Variants in RBPJ observed in about 807,000 individuals in gnomAD.
RBPJ encodes the protein recombination signal binding protein for immunoglobulin kappa J region.
Under a neutral mutation model 67.8 loss-of-function variants are expected in RBPJ, and 9 were observed. The ratio of observed to expected loss-of-function variants is 0.13; its 90% CI spans 0.08 to 0.23. The LOEUF (loss-of-function observed/expected upper bound fraction) is 0.23, where lower values mean the gene tolerates loss of function less well. Ranked by LOEUF, RBPJ falls within the 10% of genes least tolerant of loss-of-function variation. The pLI is 1.00. For synonymous variants in RBPJ, 198 were observed against 203.3 expected (o/e 0.97, Z 0.22); for missense variants, 305 against 595.6 (o/e 0.51, Z 5.08).
intron 1 of RBPJ, among the ~76,000 whole-genome samples, chr4:26,343,576 C>T (rs1234172727): frequency 3.3e-5 from 5 of 150,980 alleles, no homozygotes; most frequent in Admixed American, 2.0e-4. Context: ...GAGATAGAAT[C>T]TCGCGCTGTT....
the RBPJ span, among the ~76,000 whole-genome samples, chr4:26,122,613 T>C: frequency 6.6e-6 from 1 of 152,212 alleles, no homozygotes; most frequent in African/African-American, 2.4e-5. Context: ...ATGATTAATG[T>C]AAAACACATT....
the RBPJ span, among the ~76,000 whole-genome samples, chr4:26,123,818 C>T: frequency 2.2e-4 from 34 of 152,180 alleles, no homozygotes; most frequent in African/African-American, 8.0e-4. Flanking sequence ...TCACCCTCCA[C>T]ATCTTGTTCC....
chr4:26,209,631 CT>C (rs1239984732), intron 1 of RBPJ, among the ~76,000 whole-genome samples: 3 of 134,540 alleles, frequency 2.2e-5, no homozygotes, highest in East Asian at 2.3e-4. Flanking sequence ...CCTTCCCTCT[CT>C]CCCTCCCTTC....
intron 1 of RBPJ, among the ~76,000 whole-genome samples, chr4:26,183,702 G>C (rs997824399): frequency 1.3e-5 from 2 of 152,092 alleles, no homozygotes; most frequent in Admixed American, 6.5e-5. Context: ...TAGCCCAGAT[G>C]GTCTGTCCTG....
At chr4:26,176,863 G>A (rs1716811451) in intron 1 of RBPJ, among the ~76,000 whole-genome samples, 1 of 152,234 alleles carries the variant, frequency 6.6e-6, no homozygotes, top group Non-Finnish European at 1.5e-5. Flanking sequence ...CTTGAACCAG[G>A]CTGCCTTGCC....
intron 1 of RBPJ, 83 bp from the exon 2 acceptor site, chr4:26,386,270 G>A (rs1730902152): frequency 9.9e-6 from 9 of 911,562 alleles, no homozygotes; most frequent in Non-Finnish European, 1.5e-5. Context: ...TCATAAAAGA[G>A]ATTTTATGAT....
chr4:26,193,991 C>G (rs975698433), intron 1 of RBPJ, among the ~76,000 whole-genome samples: 8 of 152,312 alleles, frequency 5.3e-5, no homozygotes, highest in Admixed American at 2.6e-4. Flanking sequence ...TTACGTAGGG[C>G]AACATTCCCT....
At chr4:26,146,635 A>G in the RBPJ span, among the ~76,000 whole-genome samples, 6 of 151,974 alleles carry the variant, frequency 3.9e-5, no homozygotes, top group Admixed American at 2.0e-4. Context: ...TGTAAACACA[A>G]CTCCTGCTCT....
In RBPJ at chr4:26,238,921, A is replaced by G. The variant is rs368602909; in HGVS notation, c.-167+75307A>G. Among the ~76,000 whole-genome samples, 46 of 152,236 alleles carry G rather than the reference A, an allele frequency of 3.0e-4. No individual in the cohort carries two copies. In the East Asian group the frequency reaches 6.8e-3, roughly 22 times the overall value. On this transcript the variant is annotated intron_variant, in intron 1 of 4. Coordinates refer to the RBPJ transcript ENST00000512351. ...ACAAAGCAGCAGGTGAGAGAGCCAC[A>G]GAGATCAACGCTCCAGGCACCCAGG...
intron 2 of RBPJ, among the ~76,000 whole-genome samples, chr4:26,404,033 C>T (rs1733122874): frequency 6.6e-6 from 1 of 152,112 alleles, no homozygotes; most frequent in African/African-American, 2.4e-5. Context: ...TTCTCCACAA[C>T]CTCTCCAGCA....
intron 1 of RBPJ, among the ~76,000 whole-genome samples, chr4:26,341,342 C>T (rs1234114329): frequency 2.6e-5 from 4 of 151,984 alleles, no homozygotes; most frequent in African/African-American, 7.3e-5. Context: ...TGGCTGGCTG[C>T]GGTGGCTCAT....
chr4:26,403,263 C>G (rs1218072118), intron 2 of RBPJ, among the ~76,000 whole-genome samples: 1 of 148,844 alleles, frequency 6.7e-6, no homozygotes, highest in Non-Finnish European at 1.5e-5. Flanking sequence ...GAGTTTTTCT[C>G]TGGATCTTTA....
At chr4:26,354,975 G>T (rs1560288829) in intron 1 of RBPJ, among the ~76,000 whole-genome samples, 1 of 152,064 alleles carries the variant, frequency 6.6e-6, no homozygotes, top group African/African-American at 2.4e-5. Flanking sequence ...CCAGCTCAAA[G>T]CTCTCATTTA....
chr4:26,207,589 C>T (rs781208397), intron 1 of RBPJ, among the ~76,000 whole-genome samples: 4 of 152,136 alleles, frequency 2.6e-5, no homozygotes, highest in South Asian at 2.1e-4. Flanking sequence ...TGGACACAGA[C>T]GTGTGTTGAG....
At position 26,384,666 on chromosome 4, in the gene RBPJ, C is replaced by T. The variant is rs908328784; in HGVS notation, c.21-1687C>T. 5.3e-5 allele frequency: 8 copies of T among 152,226 alleles called. 1 individual carries two copies. The highest frequency in any genetic ancestry group is 1.9e-4 in the African/African-American group (8 of 41,542). The allele number at this position is 152,226 out of a possible 1,614,324, so 9.4% of individuals were successfully genotyped here. A position where few individuals can be genotyped will look rare whatever the true frequency, so the allele number is the denominator to read the frequency against. On this transcript the variant is annotated intron_variant, in intron 1 of 10. Transcript: ENST00000355476. ...TATACTTATTTATCTCTATTAAAAT[C>T]GTATTTAGTTCCTTTAGTTATTTTG... is the stretch of plus-strand genomic sequence containing the variant.
intron 1 of RBPJ, among the ~76,000 whole-genome samples, chr4:26,205,253 T>C (rs1340069198): frequency 6.6e-6 from 1 of 152,202 alleles, no homozygotes; most frequent in African/African-American, 2.4e-5. Flanking sequence ...GCTCCGGCCC[T>C]GTGCCATCTT....
chr4:26,304,450 A>C (rs1112771), intron 1 of RBPJ, among the ~76,000 whole-genome samples: 70,227 of 152,084 alleles, frequency 0.46, 17,226 homozygotes, highest in Admixed American at 0.59. Flanking sequence ...ATCATTTTAC[A>C]TTCTCACCAT....
the RBPJ span, among the ~76,000 whole-genome samples, chr4:26,120,714 C>CTTTTTTTT: frequency 8.4e-5 from 7 of 83,012 alleles, 1 homozygote; most frequent in Admixed American, 1.7e-4. Flanking sequence ...ATTTTCTCAA[C>CTTTTTTTT]TTTTTTTTTT....
intron 1 of RBPJ, among the ~76,000 whole-genome samples, chr4:26,215,981 C>A (rs547947237): frequency 8.5e-5 from 13 of 152,124 alleles, no homozygotes; most frequent in Non-Finnish European, 1.6e-4. Context: ...GTTCTGGAGA[C>A]CAGAAGTCTG....
Sources: allele counts gnomAD v4.1 joint callset (sites outside exome capture counted in the v4.1 genomes callset), GRCh38; gene constraint gnomAD v4.1.1; transcripts MANE v1.5; gene names NCBI Gene and HGNC (gene_info 2026-07-23, HGNC 2026-07-21).